AGBL4: variants seen among roughly 807,000 people sequenced by gnomAD.
AGBL4 encodes cytosolic carboxypeptidase 6.
In AGBL4, 58 loss-of-function variants were observed where a neutral mutation model predicts 66.4. The ratio of observed to expected loss-of-function variants is 0.87; its 90% CI spans 0.71 to 1.09. The LOEUF is 1.09. Among genes scored for constraint, AGBL4 ranks in the 50% least tolerant of loss-of-function variants. The pLI is 0.00. For missense variants in AGBL4, 579 were observed against 631.0 expected, an observed-to-expected ratio of 0.92 and a Z score of 0.88; for synonymous variants, 234 against 222.9, an observed-to-expected ratio of 1.05 and a Z score of -0.44.
At chr1:49,116,226 T>A (rs1645518004) in intron 4 of AGBL4, among the ~76,000 whole-genome samples, 1 of 150,770 alleles carries the variant, frequency 6.6e-6, no homozygotes, top group East Asian at 1.9e-4. Flanking sequence ...CTTTTTAAAA[T>A]TTTTTTATTA....
At chr1:49,035,636 C>A (rs527316646) in intron 5 of AGBL4, among the ~76,000 whole-genome samples, 1 of 152,190 alleles carries the variant, frequency 6.6e-6, no homozygotes, top group African/African-American at 2.4e-5. Flanking sequence ...TAGGAGACTG[C>A]CTTTCCCTGG....
intron 1 of AGBL4, among the ~76,000 whole-genome samples, chr1:49,874,725 T>C (rs941891354): frequency 1.3e-5 from 2 of 152,152 alleles, no homozygotes; most frequent in Non-Finnish European, 2.9e-5. Flanking sequence ...ACAACATGTA[T>C]TGAAACTCTG....
intron 3 of AGBL4, among the ~76,000 whole-genome samples, chr1:49,498,891 C>A (rs921039587): frequency 5.3e-5 from 8 of 152,024 alleles, no homozygotes; most frequent in Non-Finnish European, 1.0e-4. Context: ...ACCATCCTTA[C>A]ATTCCAGGGA....
At chr1:48,777,701 G>A (rs1195157418) in intron 6 of AGBL4, among the ~76,000 whole-genome samples, 1 of 152,020 alleles carries the variant, frequency 6.6e-6, no homozygotes, top group Non-Finnish European at 1.5e-5. Flanking sequence ...GAGCAGTGGC[G>A]CCCCTCTCCT....
At chr1:48,638,044 TC>T (rs1271682602) in intron 8 of AGBL4, among the ~76,000 whole-genome samples, 1 of 152,230 alleles carries the variant, frequency 6.6e-6, no homozygotes, top group African/African-American at 2.4e-5. Context: ...TATGTGCCTC[TC>T]CTCTGCCCCC....
intron 4 of AGBL4, among the ~76,000 whole-genome samples, chr1:49,197,844 C>T (rs987881162): frequency 3.3e-5 from 5 of 152,164 alleles, no homozygotes; most frequent in Non-Finnish European, 7.3e-5. Flanking sequence ...ACACTATATT[C>T]ATTTCTTGGT....
At chr1:49,156,832 G>A (rs1646440929) in intron 4 of AGBL4, among the ~76,000 whole-genome samples, 1 of 152,166 alleles carries the variant, frequency 6.6e-6, no homozygotes, top group South Asian at 2.1e-4. Context: ...AGTTTAGGGT[G>A]AAGATCACTG....
At chr1:49,845,126 A>G in intron 2 of AGBL4, 1 of 1,423,664 alleles carries the variant, frequency 7.0e-7, no homozygotes, top group South Asian at 1.2e-5. Context: ...GCACTTACCC[A>G]ACACCACCGT....
intron 3 of AGBL4, among the ~76,000 whole-genome samples, chr1:49,407,327 G>T (rs1645225813): frequency 6.6e-6 from 1 of 152,176 alleles, no homozygotes; most frequent in Non-Finnish European, 1.5e-5. Flanking sequence ...TTAGCAGACT[G>T]CCTGTGGCTT....
rs967960932 is a variant in AGBL4 at position 49,127,346 on chromosome 1, G to A, written c.378-81546C>T. 2.6e-5 allele frequency among the ~76,000 whole-genome samples: 4 copies of A among 152,036 alleles called. 1 individual carries two copies. The East Asian group carries it at 5.8e-4, about 22-fold the overall frequency. ...AAATTGGGTTTAGTGTATACTGCTC[G>A]GTTGATGGGTGCACCAAAATCTCAC... On this transcript the variant is annotated intron_variant, in intron 4 of 13. Transcript: ENST00000371839.
chr1:49,452,511 A>G (rs1646299596), intron 3 of AGBL4, among the ~76,000 whole-genome samples: 1 of 151,840 alleles, frequency 6.6e-6, no homozygotes, highest in African/African-American at 2.4e-5. Flanking sequence ...TGATGATTAC[A>G]TGGGGGTTCA....
At chr1:48,542,303 C>G (rs566541524) in intron 11 of AGBL4, among the ~76,000 whole-genome samples, 4 of 152,132 alleles carry the variant, frequency 2.6e-5, no homozygotes, top group African/African-American at 9.7e-5. Context: ...AATAAACATA[C>G]GTGTGCATGT....
At chr1:49,883,154 C>A (rs1647597418) in intron 1 of AGBL4, among the ~76,000 whole-genome samples, 1 of 152,062 alleles carries the variant, frequency 6.6e-6, no homozygotes, top group Admixed American at 6.5e-5. Context: ...AATACATTGT[C>A]ATTCATTATA....
intron 4 of AGBL4, among the ~76,000 whole-genome samples, chr1:49,097,782 T>C (rs1363830898): frequency 2.0e-5 from 3 of 152,226 alleles, no homozygotes; most frequent in Non-Finnish European, 4.4e-5. Context: ...GGTTTCGCCA[T>C]GTTGGCCAGG....
intron 2 of AGBL4, among the ~76,000 whole-genome samples, chr1:49,698,732 T>A (rs1647032308): frequency 6.6e-6 from 1 of 152,120 alleles, no homozygotes; most frequent in African/African-American, 2.4e-5. Flanking sequence ...GTTGAAAAGG[T>A]ACTTTTTTCC....
intron 3 of AGBL4, among the ~76,000 whole-genome samples, chr1:49,299,645 A>T (rs548117451): frequency 6.6e-6 from 1 of 152,262 alleles, no homozygotes; most frequent in South Asian, 2.1e-4. Context: ...TGGTCCTGTC[A>T]CAATAGCTAG....
At chr1:49,350,976 C>A (rs948111995) in intron 3 of AGBL4, among the ~76,000 whole-genome samples, 2 of 152,104 alleles carry the variant, frequency 1.3e-5, no homozygotes, top group Admixed American at 6.5e-5. Flanking sequence ...GTAGACTTTC[C>A]CCCTCTCACA....
chr1:49,514,062 T>C (rs1349862415), intron 3 of AGBL4, among the ~76,000 whole-genome samples: 2 of 152,002 alleles, frequency 1.3e-5, no homozygotes, highest in African/African-American at 4.8e-5. Context: ...TTTTTGTACA[T>C]TGATTTTGTA....
chr1:49,578,321 C>G (rs1458548504), intron 3 of AGBL4, among the ~76,000 whole-genome samples: 1 of 152,132 alleles, frequency 6.6e-6, no homozygotes, highest in Non-Finnish European at 1.5e-5. Context: ...TGATTAAGGT[C>G]AATGGCAAAC....
Sources: gnomAD v4.1 joint callset for allele counts (sites outside exome capture counted in the v4.1 genomes callset) on GRCh38, gnomAD v4.1.1 for gene constraint, MANE v1.5 for transcripts, NCBI Gene and HGNC (gene_info 2026-07-23, HGNC 2026-07-21) for gene names.